Variants in STXBP6 observed in about 807,000 individuals in gnomAD.
The protein encoded by STXBP6 is syntaxin binding protein 6.
A neutral mutation model predicts 26.9 loss-of-function variants in STXBP6; 21 were observed. The ratio of observed to expected loss-of-function variants is 0.78; its 90% CI spans 0.55 to 1.12. The LOEUF (loss-of-function observed/expected upper bound fraction) is 1.12, where lower values mean the gene tolerates loss of function less well. STXBP6 is among the 50% of genes most tolerant of loss of function. STXBP6 has a pLI of 0.00. For missense variants in STXBP6, 232 were observed against 257.9 expected (o/e 0.90, Z 0.69); for synonymous variants, 97 against 92.6 (o/e 1.05, Z -0.27).
chr14:24,999,895 G>C (rs1213262944), intron 1 of STXBP6, among the ~76,000 whole-genome samples: 1 of 152,152 alleles, frequency 6.6e-6, no homozygotes, highest in Non-Finnish European at 1.5e-5. Context: ...ATAGTGTTAT[G>C]TGCCCGTGTC....
intron 4 of STXBP6, among the ~76,000 whole-genome samples, chr14:24,834,564 C>A (rs375621318): frequency 5.9e-5 from 9 of 152,278 alleles, no homozygotes; most frequent in African/African-American, 2.2e-4. Flanking sequence ...CCATACAATT[C>A]AGAAGCTAAT....
At chr14:24,941,835 A>G (rs2072814035) in intron 2 of STXBP6, among the ~76,000 whole-genome samples, 1 of 152,214 alleles carries the variant, frequency 6.6e-6, no homozygotes, top group Non-Finnish European at 1.5e-5. Context: ...GTGTGAGAAA[A>G]TACCAGAGAC....
At chr14:24,942,391 A>G (rs1221201280) in intron 2 of STXBP6, among the ~76,000 whole-genome samples, 1 of 152,268 alleles carries the variant, frequency 6.6e-6, no homozygotes, top group Non-Finnish European at 1.5e-5. Context: ...CACTGAGCCC[A>G]GCAGACTACC....
At chr14:24,831,957 C>T (rs952645473) in intron 4 of STXBP6, among the ~76,000 whole-genome samples, 3 of 152,108 alleles carry the variant, frequency 2.0e-5, no homozygotes, top group East Asian at 1.9e-4. Context: ...CTAGAAGCCA[C>T]GTTTGCTAAA....
At chr14:24,895,999 A>T (rs2070977022) in intron 2 of STXBP6, among the ~76,000 whole-genome samples, 1 of 152,244 alleles carries the variant, frequency 6.6e-6, no homozygotes, top group South Asian at 2.1e-4. Flanking sequence ...GACACCAAAA[A>T]GAAGAGTGTG....
intron 1 of STXBP6, among the ~76,000 whole-genome samples, chr14:24,981,793 CA>C (rs2073886744): frequency 6.6e-6 from 1 of 152,148 alleles, no homozygotes; most frequent in African/African-American, 2.4e-5. Flanking sequence ...TCATCATAAA[CA>C]ACCTAAATAC....
intron 2 of STXBP6, among the ~76,000 whole-genome samples, chr14:24,900,720 G>A (rs2071180521): frequency 6.6e-6 from 1 of 152,070 alleles, no homozygotes; most frequent in Non-Finnish European, 1.5e-5. Context: ...AGGAAATGAG[G>A]TCCATATCAG....
At chr14:25,020,304 T>C (rs2075238132) in intron 1 of STXBP6, among the ~76,000 whole-genome samples, 2 of 152,178 alleles carry the variant, frequency 1.3e-5, no homozygotes, top group South Asian at 4.1e-4. Context: ...TGATTAAAGA[T>C]ACATTTTTTT....
At position 24,819,059 on chromosome 14, in the gene STXBP6, T is replaced by C; in HGVS notation, c.587A>G (p.Gln196Arg). The C allele has an allele frequency of 6.2e-7, 1 of 1,603,658 alleles. No homozygotes were observed. The highest frequency in any genetic ancestry group is 8.5e-7 in the Non-Finnish European group (1 of 1,173,052). The change falls in exon 5 of 6, where the codon CAG becomes CGG. Residue 196 changes from glutamine (Q) to arginine (R), a missense_variant. By Grantham distance (43) the Gln-to-Arg change is conservative (BLOSUM62 1). Coordinates refer to ENST00000323944, the MANE Select transcript of STXBP6 (RefSeq NM_001394410.1). ...CACCTTGTGCGCAGTTTCTGCAAAC[T>C]GCTGGGCGCTGTTCTTCAGGTCTTC... Reference protein sequence around the residue: ...KTEDLKNSAQQFAETAHKLAM... With the variant: ...KTEDLKNSAQRFAETAHKLAM...
At chr14:24,919,595 T>G (rs895631382) in intron 2 of STXBP6, among the ~76,000 whole-genome samples, 1 of 151,900 alleles carries the variant, frequency 6.6e-6, no homozygotes, top group Non-Finnish European at 1.5e-5. Context: ...CTGCTCCTAC[T>G]TGGTATCTAA....
intron 2 of STXBP6, among the ~76,000 whole-genome samples, chr14:24,949,545 C>G (rs2073097117): frequency 6.6e-6 from 1 of 152,124 alleles, no homozygotes; most frequent in Middle Eastern, 3.4e-3. Flanking sequence ...GAGAGAGAGA[C>G]GCACGGAAGA....
intron 2 of STXBP6, among the ~76,000 whole-genome samples, chr14:24,919,964 C>T (rs1370501977): frequency 6.6e-6 from 1 of 151,798 alleles, no homozygotes; most frequent in African/African-American, 2.4e-5. Context: ...TGTGCTCTTG[C>T]GAAGAATGTA....
intron 4 of STXBP6, among the ~76,000 whole-genome samples, chr14:24,822,911 T>C (rs1340706925): frequency 6.6e-6 from 1 of 152,206 alleles, no homozygotes; most frequent in African/African-American, 2.4e-5. Flanking sequence ...GTAAATAGGA[T>C]GCCTAACTCA....
intron 2 of STXBP6, among the ~76,000 whole-genome samples, chr14:24,956,117 A>G (rs2073336949): frequency 6.6e-6 from 1 of 152,186 alleles, no homozygotes; most frequent in African/African-American, 2.4e-5. Flanking sequence ...ACAGTTGGGT[A>G]ATTGAACATG....
chr14:25,047,735 T>G (rs1254941497), intron 1 of STXBP6, among the ~76,000 whole-genome samples: 1 of 152,240 alleles, frequency 6.6e-6, no homozygotes, highest in East Asian at 1.9e-4. Context: ...GAACCCTTTT[T>G]AACTGAGTGA....
intron 2 of STXBP6, among the ~76,000 whole-genome samples, chr14:24,894,750 T>G (rs2070923228): frequency 6.6e-6 from 1 of 152,216 alleles, no homozygotes; most frequent in East Asian, 1.9e-4. Flanking sequence ...TCTACCAGCC[T>G]AAGGAACTCT....
At chr14:24,829,950 G>C (rs1315521219) in intron 4 of STXBP6, among the ~76,000 whole-genome samples, 1 of 152,142 alleles carries the variant, frequency 6.6e-6, no homozygotes, top group Non-Finnish European at 1.5e-5. Context: ...ACACTGTGCT[G>C]TGATAGTATA....
At chr14:24,919,409 G>A (rs959873603) in intron 2 of STXBP6, among the ~76,000 whole-genome samples, 1 of 151,072 alleles carries the variant, frequency 6.6e-6, no homozygotes, top group African/African-American at 2.4e-5. Context: ...ATCTTTGGAT[G>A]TTTTAATAAC....
chr14:24,847,096 T>C lies in STXBP6; in HGVS notation c.451+8840A>G, dbSNP rs186782521. Among the ~76,000 whole-genome samples, 8 of 152,206 alleles carry C rather than the reference T, an allele frequency of 5.3e-5. No individual in the cohort carries two copies. The East Asian group carries it at 1.5e-3, about 29-fold the overall frequency. On this transcript the variant is annotated intron_variant, in intron 4 of 5. Transcript: ENST00000323944. ...GTATTCTGAATGGCTTCCCCAGAAGTGGGGGTGAATTTGACAAATTACTAA... is the reference window on the plus strand; with the variant it reads ...GTATTCTGAATGGCTTCCCCAGAAGCGGGGGTGAATTTGACAAATTACTAA...
Sources: allele counts gnomAD v4.1 joint callset (sites outside exome capture counted in the v4.1 genomes callset), GRCh38; gene constraint gnomAD v4.1.1; transcripts MANE v1.5; gene names NCBI Gene and HGNC (gene_info 2026-07-23, HGNC 2026-07-21).